KLHL1: variants seen among roughly 807,000 people sequenced by gnomAD.
KLHL1 encodes kelch like family member 1.
Under a neutral mutation model 77.7 loss-of-function variants are expected in KLHL1, and 47 were observed. The ratio of observed to expected loss-of-function variants is 0.60; its 90% CI spans 0.48 to 0.77. The LOEUF is 0.77. KLHL1 is among the 30% of genes least tolerant of loss of function. The pLI is 0.00. For synonymous variants in KLHL1, 360 were observed against 325.2 expected (o/e 1.11, Z -1.15); for missense variants, 925 against 910.8 (o/e 1.02, Z -0.20).
chr13:70,097,570 A>G (rs1168250050), intron 1 of KLHL1, among the ~76,000 whole-genome samples: 1 of 152,018 alleles, frequency 6.6e-6, no homozygotes, highest in Non-Finnish European at 1.5e-5. Flanking sequence ...CTGCAATGTA[A>G]TCTTGGACCT....
At chr13:69,880,662 C>T (rs1208355363) in intron 5 of KLHL1, among the ~76,000 whole-genome samples, 1 of 152,122 alleles carries the variant, frequency 6.6e-6, no homozygotes, top group Non-Finnish European at 1.5e-5. Context: ...CATTTAATGA[C>T]ATGCACAGGT....
chr13:70,028,014 T>C (rs1004114305), intron 1 of KLHL1, among the ~76,000 whole-genome samples: 2 of 152,108 alleles, frequency 1.3e-5, no homozygotes, highest in South Asian at 2.1e-4. Flanking sequence ...GAAAGTTACT[T>C]GAAGTAGTTG....
At chr13:69,833,332 A>G (rs559577204) in intron 6 of KLHL1, among the ~76,000 whole-genome samples, 25 of 152,188 alleles carry the variant, frequency 1.6e-4, no homozygotes, top group African/African-American at 5.8e-4. Context: ...ACATAAATAA[A>G]TAGCCAACAA....
intron 2 of KLHL1, among the ~76,000 whole-genome samples, chr13:69,963,115 G>A (rs938184229): frequency 1.1e-4 from 16 of 151,890 alleles, no homozygotes; most frequent in African/African-American, 2.7e-4. Flanking sequence ...AGGATGTTGT[G>A]CAGTGGCATG....
At chr13:69,959,228 G>A (rs1011589470) in intron 3 of KLHL1, among the ~76,000 whole-genome samples, 1 of 152,028 alleles carries the variant, frequency 6.6e-6, no homozygotes, top group Admixed American at 6.6e-5. Context: ...AGGATGCTGA[G>A]TATCTTTTGA....
At chr13:69,968,808 G>A (rs113033588) in intron 2 of KLHL1, among the ~76,000 whole-genome samples, 6,757 of 151,816 alleles carry the variant, frequency 0.045, 385 homozygotes, top group East Asian at 0.26. Context: ...TTTCTTAATC[G>A]AGCCTATCAT....
intron 7 of KLHL1, among the ~76,000 whole-genome samples, chr13:69,773,862 G>GATATATATATATATATAT: frequency 8.0e-6 from 1 of 124,970 alleles, no homozygotes; most frequent in African/African-American, 3.3e-5. Flanking sequence ...AAAGTCCTTG[G>GATATATATATATATATAT]CTATATATAT....
chr13:70,074,814 G>A (rs1887221651), intron 1 of KLHL1, among the ~76,000 whole-genome samples: 1 of 150,694 alleles, frequency 6.6e-6, no homozygotes, highest in African/African-American at 2.4e-5. Flanking sequence ...AAAAACATAA[G>A]AACTCAAAAA....
At chr13:70,091,085 T>C (rs902111059) in intron 1 of KLHL1, among the ~76,000 whole-genome samples, 1 of 152,038 alleles carries the variant, frequency 6.6e-6, no homozygotes, top group Non-Finnish European at 1.5e-5. Flanking sequence ...AACCTCAGCT[T>C]TTTTATCTTC....
chr13:69,979,175 AAAAT>A (rs1884635956), intron 1 of KLHL1, among the ~76,000 whole-genome samples: 2 of 145,574 alleles, frequency 1.4e-5, no homozygotes, highest in South Asian at 2.2e-4. Flanking sequence ...GCTCAAAAAA[AAAAT>A]AAATAAGTTC....
intron 7 of KLHL1, among the ~76,000 whole-genome samples, chr13:69,780,692 A>ATG (rs1876102688): frequency 1.0e-4 from 1 of 9,884 alleles, no homozygotes; most frequent in Non-Finnish European, 2.9e-4. Flanking sequence ...CTTCATATAT[A>ATG]TATATATATG....
chr13:69,728,545 G>A (rs1329281739), intron 8 of KLHL1, among the ~76,000 whole-genome samples: 2 of 151,632 alleles, frequency 1.3e-5, no homozygotes, highest in African/African-American at 4.9e-5. Flanking sequence ...TTGCACACCT[G>A]TAATTCTAGC....
At chr13:69,730,627 G>T (rs1292419041) in intron 8 of KLHL1, among the ~76,000 whole-genome samples, 1 of 151,964 alleles carries the variant, frequency 6.6e-6, no homozygotes, top group African/African-American at 2.4e-5. Flanking sequence ...AGGCTATAGA[G>T]CAGGTGGCAT....
intron 7 of KLHL1, among the ~76,000 whole-genome samples, chr13:69,773,242 T>A (rs1439173773): frequency 6.6e-6 from 1 of 152,056 alleles, no homozygotes; most frequent in Non-Finnish European, 1.5e-5. Context: ...AGTTTTGTAA[T>A]AATGTAAAGT....
intron 7 of KLHL1, among the ~76,000 whole-genome samples, chr13:69,787,376 C>T (rs1876611406): frequency 6.6e-6 from 1 of 152,180 alleles, no homozygotes; most frequent in Non-Finnish European, 1.5e-5. Flanking sequence ...ACCATCTGAT[C>T]TTCAATAAAC....
intron 1 of KLHL1, among the ~76,000 whole-genome samples, chr13:70,018,525 G>A (rs995728234): frequency 1.3e-5 from 2 of 152,156 alleles, no homozygotes; most frequent in African/African-American, 4.8e-5. Flanking sequence ...AGAGAGACAC[G>A]TTTCTAGTGA....
At chr13:69,708,663 A>G (rs1343243788) in intron 9 of KLHL1, among the ~76,000 whole-genome samples, 3 of 151,990 alleles carry the variant, frequency 2.0e-5, no homozygotes, top group African/African-American at 7.2e-5. Flanking sequence ...TACTACATAC[A>G]AATATTTTAT....
At chr13:69,972,600 T>A (rs767230176) in intron 2 of KLHL1, among the ~76,000 whole-genome samples, 2 of 151,870 alleles carry the variant, frequency 1.3e-5, no homozygotes, top group African/African-American at 4.8e-5. Flanking sequence ...ATTTGTTAAG[T>A]TTTTGGCGTA....
chr13:69,858,271 A>G (rs1880000303), intron 5 of KLHL1, among the ~76,000 whole-genome samples: 1 of 152,080 alleles, frequency 6.6e-6, no homozygotes, highest in Non-Finnish European at 1.5e-5. Context: ...GGGAGGAGAA[A>G]GACTGGGGGT....
Sources: allele counts gnomAD v4.1 joint callset (sites outside exome capture counted in the v4.1 genomes callset), GRCh38; gene constraint gnomAD v4.1.1; transcripts MANE v1.5; gene names NCBI Gene and HGNC (gene_info 2026-07-23, HGNC 2026-07-21).